The following DISC1 variants were observed in gnomAD, a reference collection of about 807,000 sequenced individuals.
DISC1 encodes the protein DISC1 scaffold protein.
A neutral mutation model predicts 84.5 loss-of-function variants in DISC1; 57 were observed. That is an observed-to-expected ratio of 0.67 (90% CI 0.55 to 0.84). The LOEUF is 0.84. Among genes scored for constraint, DISC1 ranks in the 40% least tolerant of loss-of-function variants. DISC1 has a pLI of 0.00. For missense variants in DISC1, 1,000 were observed against 1,057.8 expected, an observed-to-expected ratio of 0.95 and a Z score of 0.76; for synonymous variants, 411 against 415.2, an observed-to-expected ratio of 0.99 and a Z score of 0.12.
At chr1:231,796,621 C>T (rs1448025298) in intron 7 of DISC1, among the ~76,000 whole-genome samples, 2 of 152,090 alleles carry the variant, frequency 1.3e-5, no homozygotes, top group East Asian at 3.9e-4. Flanking sequence ...CACAGAGCCG[C>T]AGGTTTGATG....
chr1:231,886,786 T>TCTTC (rs2086760027), intron 9 of DISC1, among the ~76,000 whole-genome samples: 1 of 135,274 alleles, frequency 7.4e-6, no homozygotes, highest in Non-Finnish European at 1.6e-5. Context: ...TTTCTTTCTT[T>TCTTC]CTTTCTTTCT....
Position 231,741,517 on chromosome 1 carries a change from T to C in DISC1, c.1118-8409T>C, listed in dbSNP as rs143925451. 3.2e-4 allele frequency among the ~76,000 whole-genome samples: 48 copies of C among 152,358 alleles called. No homozygotes were observed. In the East Asian group the frequency reaches 9.1e-3, roughly 29 times the overall value. ...GCAGCATCCCAGGTGCAGGTCACTA[T>C]ACAATGACCAACACTGTGTCATGGC... On this transcript the variant is annotated intron_variant, in intron 3 of 12. Coordinates refer to ENST00000439617, the MANE Select transcript of DISC1 (RefSeq NM_018662.3).
At chr1:231,745,057 TA>T (rs34978512) in intron 3 of DISC1, among the ~76,000 whole-genome samples, 4 of 151,788 alleles carry the variant, frequency 2.6e-5, no homozygotes, top group African/African-American at 4.8e-5. Context: ...TTTTTTTAAA[TA>T]AAAAAATTTA....
At chr1:231,718,565 T>C (rs1238846006) in intron 3 of DISC1, among the ~76,000 whole-genome samples, 2 of 151,948 alleles carry the variant, frequency 1.3e-5, no homozygotes, top group African/African-American at 4.8e-5. Context: ...GCCTCCCGAG[T>C]AGCTGGGATT....
At chr1:231,645,823 C>G (rs1454804373) in intron 1 of DISC1, among the ~76,000 whole-genome samples, 1 of 151,666 alleles carries the variant, frequency 6.6e-6, no homozygotes, top group East Asian at 1.9e-4. Context: ...TCATCCATGT[C>G]CTTGCAAAGG....
chr1:231,791,852 C>A (rs2078376363), intron 6 of DISC1, among the ~76,000 whole-genome samples: 2 of 152,110 alleles, frequency 1.3e-5, no homozygotes, highest in Non-Finnish European at 1.5e-5. Context: ...GGTTTGGGGA[C>A]CACAGTGTGA....
At chr1:231,823,750 TA>T (rs1207972327) in intron 9 of DISC1, among the ~76,000 whole-genome samples, 1 of 152,220 alleles carries the variant, frequency 6.6e-6, no homozygotes, top group Non-Finnish European at 1.5e-5. Flanking sequence ...ACCCAGGTGA[TA>T]AGCATGTTAT....
intron 10 of DISC1, among the ~76,000 whole-genome samples, chr1:231,988,115 G>A (rs1664708827): frequency 6.6e-6 from 1 of 152,178 alleles, no homozygotes; most frequent in Non-Finnish European, 1.5e-5. Context: ...GAACCTGGGA[G>A]GCAGAGGTTA....
At chr1:231,921,888 T>C (rs2090036265) in intron 9 of DISC1, among the ~76,000 whole-genome samples, 1 of 151,428 alleles carries the variant, frequency 6.6e-6, no homozygotes, top group South Asian at 2.1e-4. Context: ...TATGACACAT[T>C]GTTATTACAT....
At position 231,890,394 on chromosome 1, in the gene DISC1, G is replaced by A. The variant is rs199987839; in HGVS notation, c.1982-68434G>A. On this transcript the variant is annotated intron_variant, in intron 9 of 12. Coordinates refer to ENST00000439617, the MANE Select transcript of DISC1 (RefSeq NM_018662.3). ...ATTGATCGAGCACAAATCCACTTTC[G>A]TAAAGCAAAAATAAAGGTCAAACAG... Among the ~76,000 whole-genome samples, 33 of 152,174 alleles carry A rather than the reference G, an allele frequency of 2.2e-4. No homozygotes were observed. In the East Asian group the frequency reaches 2.7e-3, roughly 12 times the overall value.
chr1:231,745,057 T>TA (rs34978512), intron 3 of DISC1, among the ~76,000 whole-genome samples: 37,340 of 151,838 alleles, frequency 0.25, 5,049 homozygotes, highest in East Asian at 0.44. Flanking sequence ...TTTTTTTAAA[T>TA]AAAAAAATTT....
intron 2 of DISC1, among the ~76,000 whole-genome samples, chr1:231,701,344 C>G (rs1485326495): frequency 1.3e-5 from 2 of 152,140 alleles, no homozygotes; most frequent in Non-Finnish European, 2.9e-5. Flanking sequence ...GGGGACACAG[C>G]CAAACCATAT....
intron 10 of DISC1, among the ~76,000 whole-genome samples, chr1:232,003,896 G>A (rs112636275): frequency 3.6e-4 from 55 of 152,018 alleles, no homozygotes; most frequent in African/African-American, 1.1e-3. Flanking sequence ...GGACAACAAT[G>A]CTGTAAATTC....
chr1:231,756,052 C>G (rs1031393294), intron 4 of DISC1, among the ~76,000 whole-genome samples: 1 of 152,168 alleles, frequency 6.6e-6, no homozygotes, highest in Non-Finnish European at 1.5e-5. Flanking sequence ...CGATCCAGCC[C>G]CTGCCCAGCT....
chr1:231,690,426 C>T (rs1347315965), intron 1 of DISC1, among the ~76,000 whole-genome samples: 6 of 152,170 alleles, frequency 3.9e-5, no homozygotes, highest in Non-Finnish European at 8.8e-5. Context: ...GTTTCCTAAC[C>T]GGGTCTCAAA....
At chr1:231,848,492 G>A (rs190079016) in intron 9 of DISC1, among the ~76,000 whole-genome samples, 1 of 152,152 alleles carries the variant, frequency 6.6e-6, no homozygotes, top group Non-Finnish European at 1.5e-5. Flanking sequence ...TGTGATTCAG[G>A]AGGTCCTGGG....
At chr1:231,774,861 T>A (rs1293743817) in intron 6 of DISC1, 1 of 409,818 alleles carries the variant, frequency 2.4e-6, no homozygotes, top group East Asian at 7.2e-5. Flanking sequence ...TAATTGGACA[T>A]GATCCTGTTA....
chr1:231,814,007 A>G (rs201235686), intron 8 of DISC1, among the ~76,000 whole-genome samples: 2 of 152,174 alleles, frequency 1.3e-5, no homozygotes, highest in Non-Finnish European at 2.9e-5. Context: ...GAGTCTCAAT[A>G]GGGTCTTTAT....
chr1:231,932,580 G>A (rs1455803984), intron 9 of DISC1, among the ~76,000 whole-genome samples: 1 of 152,102 alleles, frequency 6.6e-6, no homozygotes, highest in African/African-American at 2.4e-5. Flanking sequence ...GACCTCAAAG[G>A]CTATGCTCTT....
Sources: gnomAD v4.1 joint callset for allele counts (sites outside exome capture counted in the v4.1 genomes callset) on GRCh38, gnomAD v4.1.1 for gene constraint, MANE v1.5 for transcripts, NCBI Gene and HGNC (gene_info 2026-07-23, HGNC 2026-07-21) for gene names.